Variants in SCAPER observed in about 807,000 individuals in gnomAD.
The protein encoded by SCAPER is S phase cyclin A-associated protein in the endoplasmic reticulum.
Under a neutral mutation model 182.2 loss-of-function variants are expected in SCAPER, and 98 were observed. That is an observed-to-expected ratio of 0.54 (90% CI 0.46 to 0.64). The LOEUF is 0.64. Ranked by LOEUF, SCAPER falls within the 30% of genes least tolerant of loss-of-function variation. SCAPER has a pLI of 0.00. For missense variants in SCAPER, 1,432 were observed against 1,690.0 expected, an observed-to-expected ratio of 0.85 and a Z score of 2.68; for synonymous variants, 605 against 564.6, an observed-to-expected ratio of 1.07 and a Z score of -1.01.
chr15:76,399,045 T>G (rs181146183), intron 27 of SCAPER, among the ~76,000 whole-genome samples: 2 of 152,206 alleles, frequency 1.3e-5, no homozygotes, highest in Non-Finnish European at 2.9e-5. Flanking sequence ...ATTACAGCAA[T>G]TGAGCTCCTG....
chr15:76,881,383 A>G (rs761729757), intron 2 of SCAPER, among the ~76,000 whole-genome samples: 2 of 152,262 alleles, frequency 1.3e-5, no homozygotes, highest in Non-Finnish European at 2.9e-5. Context: ...GGCGTAAGCC[A>G]TTGCGTCTGG....
At chr15:76,406,853 A>G (rs2044880332) in intron 26 of SCAPER, among the ~76,000 whole-genome samples, 3 of 152,162 alleles carry the variant, frequency 2.0e-5, no homozygotes, top group Non-Finnish European at 4.4e-5. Flanking sequence ...CAGGACAGTC[A>G]AAGTACTCAT....
Position 76,451,078 on chromosome 15 carries a change from C to T in SCAPER, c.3079-16768G>A, listed in dbSNP as rs1484476322. On this transcript the variant is annotated intron_variant, in intron 25 of 31. Transcript: ENST00000563290. ...CTGATCTGCTTTGTATTATAAATGA[C>T]TTTGCATTTTCTAGAATTTCAAATA... is the stretch of plus-strand genomic sequence containing the variant. 2.0e-5 allele frequency among the ~76,000 whole-genome samples: 3 copies of T among 152,338 alleles called. No homozygotes were observed. The East Asian group carries it at 5.8e-4, about 29-fold the overall frequency.
chr15:76,649,718 CAT>C (rs1181028823), intron 21 of SCAPER, among the ~76,000 whole-genome samples: 1 of 150,352 alleles, frequency 6.7e-6, no homozygotes, highest in Admixed American at 6.6e-5. Context: ...AACACAATAA[CAT>C]GTTTAAGAGA....
At chr15:76,886,431 G>C (rs1225547015) in intron 1 of SCAPER, among the ~76,000 whole-genome samples, 1 of 152,124 alleles carries the variant, frequency 6.6e-6, no homozygotes, top group Admixed American at 6.5e-5. Context: ...AGTGAGCCAA[G>C]GTTGTGCCAC....
chr15:76,711,646 G>A lies in SCAPER; in HGVS notation c.2166-5662C>T, dbSNP rs531451262. ...TTGCCATTCTAACTGGTGTGAGATG[G>A]TATCTCATTGTGGTTTTGATTTGCA... On this transcript the variant is annotated intron_variant, in intron 17 of 31. Coordinates refer to ENST00000563290, the MANE Select transcript of SCAPER (RefSeq NM_020843.4). 4.6e-5 allele frequency among the ~76,000 whole-genome samples: 7 copies of A among 152,244 alleles called. 1 individual carries two copies. The highest frequency in any genetic ancestry group is 1.9e-4 in the East Asian group (1 of 5,182).
chr15:76,894,690 A>C (rs1004304972), intron 1 of SCAPER, among the ~76,000 whole-genome samples: 7 of 152,150 alleles, frequency 4.6e-5, no homozygotes, highest in African/African-American at 9.6e-5. Flanking sequence ...CAAAATTACA[A>C]ATGTAAGAGG....
intron 1 of SCAPER, among the ~76,000 whole-genome samples, chr15:76,889,493 G>A (rs1486100874): frequency 1.3e-5 from 2 of 151,790 alleles, no homozygotes; most frequent in Non-Finnish European, 2.9e-5. Flanking sequence ...CAAGCAAATG[G>A]AGAGCAAAAA....
intron 1 of SCAPER, among the ~76,000 whole-genome samples, chr15:76,901,209 G>C (rs150336376): frequency 6.6e-6 from 1 of 152,268 alleles, no homozygotes; most frequent in East Asian, 1.9e-4. Flanking sequence ...CAGCCTGGGG[G>C]ACAGAGCAAG....
intron 21 of SCAPER, among the ~76,000 whole-genome samples, chr15:76,654,825 T>C (rs2055488689): frequency 6.6e-6 from 1 of 152,172 alleles, no homozygotes; most frequent in African/African-American, 2.4e-5. Context: ...CTGAATGCCA[T>C]TAGCTAACAA....
intron 23 of SCAPER, among the ~76,000 whole-genome samples, chr15:76,544,345 T>C (rs1243721284): frequency 1.3e-5 from 2 of 152,166 alleles, no homozygotes. Flanking sequence ...TCTGTTCATA[T>C]AAAAATTTGT....
At chr15:76,555,067 C>T (rs2046092393) in intron 23 of SCAPER, among the ~76,000 whole-genome samples, 1 of 152,084 alleles carries the variant, frequency 6.6e-6, no homozygotes, top group African/African-American at 2.4e-5. Flanking sequence ...AGGTGTGAGC[C>T]ACTGCACCCA....
chr15:76,803,547 T>C (rs568306871), intron 6 of SCAPER, among the ~76,000 whole-genome samples: 10 of 152,310 alleles, frequency 6.6e-5, no homozygotes, highest in South Asian at 2.1e-4. Flanking sequence ...CTGGGTAATT[T>C]ATAAACAACA....
chr15:76,751,740 A>C (rs1329177249), intron 15 of SCAPER, among the ~76,000 whole-genome samples: 2 of 151,764 alleles, frequency 1.3e-5, no homozygotes, highest in Non-Finnish European at 3.0e-5. Context: ...AAATGGATCA[A>C]TTACCTAAAT....
At chr15:76,765,133 G>C in intron 13 of SCAPER, 61 bp from the exon 14 acceptor site, 2 of 1,264,680 alleles carry the variant, frequency 1.6e-6, no homozygotes, top group Non-Finnish European at 2.2e-6. Context: ...GCCAGAAAAA[G>C]TGTTCTTTAG....
chr15:76,681,997 G>T (rs557960223), intron 20 of SCAPER, among the ~76,000 whole-genome samples: 1 of 152,286 alleles, frequency 6.6e-6, no homozygotes, highest in African/African-American at 2.4e-5. Context: ...GCACCGCCCT[G>T]TATGCTAGCC....
chr15:76,487,952 G>A (rs896649568), intron 24 of SCAPER, among the ~76,000 whole-genome samples: 4 of 152,224 alleles, frequency 2.6e-5, no homozygotes, highest in South Asian at 4.2e-4. Context: ...AATCTGGTCC[G>A]AAGGATTCTC....
intron 24 of SCAPER, among the ~76,000 whole-genome samples, chr15:76,490,407 A>G (rs2052174778): frequency 6.6e-6 from 1 of 152,178 alleles, no homozygotes; most frequent in African/African-American, 2.4e-5. Flanking sequence ...GCATCTTTTC[A>G]TATATCTTTT....
At chr15:76,381,908 T>C (rs773384918) in intron 27 of SCAPER, among the ~76,000 whole-genome samples, 3 of 152,176 alleles carry the variant, frequency 2.0e-5, no homozygotes, top group Non-Finnish European at 2.9e-5. Context: ...AACCTCACTT[T>C]GTTTAGTATC....
Sources: gnomAD v4.1 joint callset for allele counts (sites outside exome capture counted in the v4.1 genomes callset) on GRCh38, gnomAD v4.1.1 for gene constraint, MANE v1.5 for transcripts, NCBI Gene and HGNC (gene_info 2026-07-23, HGNC 2026-07-21) for gene names.